The following LIMS2 variants were observed in gnomAD, a reference collection of about 807,000 sequenced individuals.
The protein encoded by LIMS2 is LIM and senescent cell antigen-like-containing domain protein 2.
In LIMS2, 30 loss-of-function variants were observed where a neutral mutation model predicts 45.3. That is an observed-to-expected ratio of 0.66 (90% CI 0.50 to 0.90). The LOEUF (loss-of-function observed/expected upper bound fraction) is 0.90. Ranked by LOEUF, LIMS2 falls within the 40% of genes least tolerant of loss-of-function variation. The pLI, the probability that LIMS2 is intolerant of heterozygous loss-of-function variation, is 0.00. For missense variants in LIMS2, 485 were observed against 468.7 expected (o/e 1.03, Z -0.32); for synonymous variants, 173 against 188.0 (o/e 0.92, Z 0.65).
rs905540456 is a variant in LIMS2, at chr2:127,672,064, G to A, written c.11+2950C>T. Among the ~76,000 whole-genome samples the A allele has an allele frequency of 2.0e-5, 3 of 152,308 alleles. No individual in the cohort carries two copies. The highest frequency in any genetic ancestry group is 1.9e-4 in the East Asian group (1 of 5,170). ...GGGCTCAGCACACAATCAGGCATAC[G>A]ACAGCCTCACATGTGACACACATGA... On this transcript the variant is annotated intron_variant, in intron 1 of 9. Transcript: ENST00000355119. The surrounding 1 kb of genome is among the most constrained non-coding windows in gnomAD (Gnocchi z 4.9).
intron 1 of LIMS2, among the ~76,000 whole-genome samples, chr2:127,659,409 T>C (rs916668649): frequency 3.9e-5 from 6 of 152,114 alleles, no homozygotes; most frequent in African/African-American, 7.2e-5. Context: ...TGGTCCTCAG[T>C]GCTCCCAGCT....
intron 1 of LIMS2, chr2:127,673,561 A>T: frequency 9.5e-7 from 1 of 1,048,420 alleles, no homozygotes; most frequent in Non-Finnish European, 1.4e-6. Context: ...CAGGGGCAAG[A>T]GGACCCTTGC....
intron 1 of LIMS2, among the ~76,000 whole-genome samples, chr2:127,660,021 A>G (rs1324620050): frequency 6.6e-6 from 1 of 152,028 alleles, no homozygotes; most frequent in Admixed American, 6.6e-5. Flanking sequence ...ACCCTCAACT[A>G]GCACTCCCCA....
intron 4 of LIMS2, chr2:127,650,178 C>T: frequency 3.6e-6 from 4 of 1,109,518 alleles, no homozygotes; most frequent in South Asian, 2.8e-5. Flanking sequence ...TCAGGGGAAG[C>T]AGAAAGCGGT....
chr2:127,676,042 TA>T (rs1685491515), upstream of LIMS2, among the ~76,000 whole-genome samples: 1 of 152,164 alleles, frequency 6.6e-6, no homozygotes. Flanking sequence ...AGGGGTAATA[TA>T]AACTATTTAG....
upstream of LIMS2, among the ~76,000 whole-genome samples, chr2:127,678,187 G>A (rs1685542855): frequency 6.6e-6 from 1 of 152,154 alleles, no homozygotes; most frequent in Admixed American, 6.6e-5. The surrounding 1 kb of genome is among the most constrained non-coding windows in gnomAD (Gnocchi z 5.3). Context: ...GATCCCCGTA[G>A]TCCCAGCTAG....
In LIMS2 at chr2:127,644,375, C is replaced by T. The variant is rs149675486; in HGVS notation, c.360-1303G>A. 2.0e-3 allele frequency among the ~76,000 whole-genome samples: 304 copies of T among 152,346 alleles called. 1 individual carries two copies. The highest frequency in any genetic ancestry group is 6.2e-3 in the African/African-American group (258 of 41,578). Reference sequence around the variant, plus strand: ...AGCCCTGGCTCTTACACCCCAGCGACGGGAAGCAGTTGTGGCCTGTGGCTT... The same window carrying T: ...AGCCCTGGCTCTTACACCCCAGCGATGGGAAGCAGTTGTGGCCTGTGGCTT... On this transcript the variant is annotated intron_variant, in intron 4 of 9. Coordinates refer to ENST00000355119, the MANE Select transcript of LIMS2 (RefSeq NM_001161403.3).
In LIMS2 at chr2:127,664,342, C is replaced by A. The variant is rs1300439825; in HGVS notation, c.12-6780G>T. The A allele has an allele frequency of 5.1e-5, 63 of 1,228,328 alleles. No individual in the cohort carries two copies. Among genetic ancestry groups the A allele is most frequent in the Non-Finnish European group, 6.0e-5 (59 of 986,318 alleles). 76.1% of individuals were successfully genotyped at this position (1,228,328 alleles called of 1,614,324 possible). Reference sequence around the variant, plus strand: ...CGGCGGGCTCTGCCGGTGCTGGCGCCGCCGGTACAGCCCCGACGCGGCCAG... The same window carrying A: ...CGGCGGGCTCTGCCGGTGCTGGCGCAGCCGGTACAGCCCCGACGCGGCCAG... On this transcript the variant is annotated intron_variant, in intron 1 of 9. Transcript: ENST00000355119. The surrounding 1 kb of genome is among the most constrained non-coding windows in gnomAD (Gnocchi z 5.5).
chr2:127,649,999 C>T (rs752000359), intron 4 of LIMS2: 2 of 1,603,598 alleles, frequency 1.2e-6, no homozygotes, highest in Non-Finnish European at 1.7e-6. Context: ...CACAGGTCTC[C>T]CCACCTGTCA....
Position 127,657,475 on chromosome 2 carries a change from C to T in LIMS2, c.99G>A (p.Gly33=). The change falls in exon 2 of 10, where the codon GGG becomes GGA. Residue 33 remains glycine, a synonymous_variant. Coordinates refer to ENST00000355119, the MANE Select transcript of LIMS2 (RefSeq NM_001161403.3). ...SPAERIVNSN[G]ELYHEHCFVC... is the part of the protein sequence containing the mutation. ...CGAAGCAGTGCTCATGGTACAGCTC[C>T]CCATTGCTGTTGACAATGCGCTCGG... 1 of 1,613,808 alleles carries T rather than the reference C, an allele frequency of 6.2e-7. No homozygotes were observed. The highest frequency in any genetic ancestry group is 8.5e-7 in the Non-Finnish European group (1 of 1,179,988).
chr2:127,671,968 C>A lies in LIMS2; in HGVS notation c.11+3046G>T, dbSNP rs1685288120. 6.6e-6 allele frequency among the ~76,000 whole-genome samples: 1 copy of A among 152,242 alleles called. No individual in the cohort carries two copies. Among genetic ancestry groups the A allele is most frequent in the Admixed American group, 6.5e-5 (1 of 15,286 alleles). On this transcript the variant is annotated intron_variant, in intron 1 of 9. Transcript: ENST00000355119. This position sits in a 1 kb window ranked among gnomAD's most constrained non-coding sequence, Gnocchi z 4.1. ...GGGGACCACCGGGCACACTCCTCAC[C>A]CGGAGGAGGGGCAAGATTGGTGGAT...
At chr2:127,674,668 AC>A (rs149628621) in intron 1 of LIMS2, 86,288 of 985,368 alleles carry the variant, frequency 0.088, 4,018 homozygotes, top group Middle Eastern at 0.13. Context: ...TGGGGGAGGC[AC>A]GCAACCTTTG....
In LIMS2 at chr2:127,640,939, T is replaced by C. The variant is rs778418653; in HGVS notation, c.710A>G (p.Tyr237Cys). 3.1e-6 allele frequency: 5 copies of C among 1,613,928 alleles called. No homozygotes were observed. The highest frequency in any genetic ancestry group is 2.2e-5 in the South Asian group (2 of 91,078). ...CEKPFLGHRH[Y>C]EKKGLAYCET... ...GCAGTAGGCCAGGCCCTTCTTCTCA[T>C]AGTGCCGGTGCCCCAGGAATGGCTT... Residue 237 changes from tyrosine (Y) to cysteine (C), a missense_variant, in exon 7 of 10, where the codon TAT becomes TGT. Tyr to Cys is a radical substitution (Grantham distance 194). Transcript: ENST00000355119.
At chr2:127,665,142 G>A (rs1278540023) in intron 1 of LIMS2, among the ~76,000 whole-genome samples, 3 of 152,128 alleles carry the variant, frequency 2.0e-5, no homozygotes, top group East Asian at 1.9e-4. Context: ...ATAAACACCC[G>A]CGGTAGGCAT....
rs752012358 is a variant in LIMS2 at position 127,643,001 on chromosome 2, TG to T, written c.430del (p.His144ThrfsTer30). 7.0e-6 allele frequency: 11 copies of T among 1,578,746 alleles called. No individual in the cohort carries two copies. The highest frequency in any genetic ancestry group is 1.2e-5 in the South Asian group (1 of 86,138). On this transcript the variant is annotated frameshift_variant, in exon 5 of 10. Coordinates refer to ENST00000355119, the MANE Select transcript of LIMS2 (RefSeq NM_001161403.3). LOFTEE classifies it high-confidence loss of function. The stretch of plus-strand genomic sequence containing the variant: ...GAGGGGCTGCTCGTCGATGACCAGG[TG>T]GCACCGCTGGCAGATGTACTTGCCC... ...GLGKYICQRC[H>X]LVIDEQPLMF...
chr2:127,649,308 T>C (rs1683451185), intron 4 of LIMS2, among the ~76,000 whole-genome samples: 1 of 152,158 alleles, frequency 6.6e-6, no homozygotes, highest in Admixed American at 6.5e-5. Flanking sequence ...CTGCCAGGGC[T>C]GTGGCCCGTG....
At chr2:127,666,337 T>C (rs1684997403) in intron 1 of LIMS2, among the ~76,000 whole-genome samples, 2 of 152,006 alleles carry the variant, frequency 1.3e-5, no homozygotes, top group South Asian at 4.1e-4. Flanking sequence ...AGGTTTTCAG[T>C]AACCCTAGGA....
chr2:127,669,238 A>C (rs966929870), intron 1 of LIMS2, among the ~76,000 whole-genome samples: 18 of 152,358 alleles, frequency 1.2e-4, no homozygotes, highest in Admixed American at 2.6e-4. Flanking sequence ...TAAAACTCCT[A>C]GAAGAAAACA....
At chr2:127,649,167 G>GGAAGGAAGGAAGGAAGGAAGGAAA (rs1553463219) in intron 4 of LIMS2, among the ~76,000 whole-genome samples, 4 of 86,706 alleles carry the variant, frequency 4.6e-5, no homozygotes, top group Admixed American at 1.0e-4. Context: ...GAGGAAGGTA[G>GGAAGGAAGGAAGGAAGGAAGGAAA]GAAGGAAGGA....
Sources: gnomAD v4.1 joint callset for allele counts (sites outside exome capture counted in the v4.1 genomes callset) on GRCh38, gnomAD v4.1.1 for gene constraint, Gnocchi (gnomAD v3.1) non-coding constraint, MANE v1.5 for transcripts, NCBI Gene and HGNC (gene_info 2026-07-23, HGNC 2026-07-21) for gene names.